LRPPRC: variants seen among roughly 807,000 people sequenced by gnomAD.
LRPPRC encodes leucine-rich PPR motif-containing protein, mitochondrial.
In LRPPRC, 120 loss-of-function variants were observed where a neutral mutation model predicts 180.3. That is an observed-to-expected ratio of 0.67 (90% CI 0.57 to 0.77). LRPPRC has a LOEUF of 0.77. Ranked by LOEUF, LRPPRC falls within the 30% of genes least tolerant of loss-of-function variation. The probability of loss-of-function intolerance (pLI) is 0.00; values close to 1 mark genes in which losing one functional copy is unlikely to be tolerated. For synonymous variants in LRPPRC, 723 were observed against 600.0 expected (o/e 1.21, Z -3.00); for missense variants, 2,012 against 1,657.2 (o/e 1.21, Z -3.72).
chr2:43,971,084 G>C (rs993837005), intron 11 of LRPPRC, among the ~76,000 whole-genome samples: 7 of 145,844 alleles, frequency 4.8e-5, no homozygotes, highest in African/African-American at 1.8e-4. Flanking sequence ...TAGACAACAA[G>C]AGCGAAACTG....
At chr2:43,970,368 CAAAG>C (rs1472580455) in intron 11 of LRPPRC, among the ~76,000 whole-genome samples, 1 of 152,060 alleles carries the variant, frequency 6.6e-6, no homozygotes. Context: ...AGAGAGCAGA[CAAAG>C]AAAGATATTC....
In LRPPRC at chr2:43,982,373, C is replaced by T; in HGVS notation, c.211G>A (p.Glu71Lys). ...ATCTTCCTAGAAGAAAAAGTGGACTCCTCTTGAATATCTTTTTCTTTGGCA... is the reference window on the plus strand; with the variant it reads ...ATCTTCCTAGAAGAAAAAGTGGACTTCTCTTGAATATCTTTTTCTTTGGCA... ...IAAKEKDIQE[E>K]STFSSRKISN... Residue 71 changes from glutamate to lysine, a missense_variant, in exon 2 of 38, where the codon GAG becomes AAG. Physicochemically the swap from Glu to Lys is moderately conservative, Grantham distance 56. Transcript: ENST00000260665. 1 of 1,613,892 alleles carries T rather than the reference C, an allele frequency of 6.2e-7. No homozygotes were observed. The highest frequency in any genetic ancestry group is 8.5e-7 in the Non-Finnish European group (1 of 1,179,814).
intron 31 of LRPPRC, chr2:43,903,879 G>A (rs1670973582): frequency 6.6e-6 from 1 of 152,158 alleles, no homozygotes; most frequent in African/African-American, 2.4e-5. Flanking sequence ...TGGCGAGCAA[G>A]TTTAACTTTT....
At chr2:43,932,090 C>CTACA (rs1672109207) in intron 25 of LRPPRC, among the ~76,000 whole-genome samples, 1 of 117,198 alleles carries the variant, frequency 8.5e-6, no homozygotes, top group Non-Finnish European at 1.6e-5. Context: ...CACCACTGTA[C>CTACA]TACAGCCTGG....
chr2:43,896,824 GA>G, intron 34 of LRPPRC, 116 bp from the exon 35 acceptor site: 1 of 724,870 alleles, frequency 1.4e-6, no homozygotes. Flanking sequence ...TTACCAATAG[GA>G]AGGCCTAATA....
At chr2:43,954,146 T>C (rs1673011514) in intron 14 of LRPPRC, among the ~76,000 whole-genome samples, 1 of 152,218 alleles carries the variant, frequency 6.6e-6, no homozygotes, top group South Asian at 2.1e-4. Context: ...CTATCCAAGA[T>C]CTTATCCTTA....
rs1370567576 is a variant in LRPPRC, at chr2:43,982,266, T to C, written c.318A>G (p.Gln106=). 3.2e-6 allele frequency: 5 copies of C among 1,573,832 alleles called. No homozygotes were observed. The South Asian group carries it at 3.5e-5, about 11-fold the overall frequency. The change falls in exon 2 of 38, where the codon CAA becomes CAG. Residue 106 remains glutamine, a synonymous_variant. Transcript: ENST00000260665. The part of the protein sequence containing the change: ...RTGRIPKKLL[Q]KVFNDTCRSG... ...AGCGGCAGGTATCATTAAAAACTTT[T>C]TGTAGAAGCTTCTTTGGAATGCGGC...
chr2:43,961,677 C>T (rs1175998834), intron 12 of LRPPRC, among the ~76,000 whole-genome samples: 2 of 152,152 alleles, frequency 1.3e-5, no homozygotes, highest in Non-Finnish European at 2.9e-5. Flanking sequence ...AAGGCATTAT[C>T]AGGTAGGGCG....
chr2:43,916,747 A>G (rs922400154), intron 29 of LRPPRC, among the ~76,000 whole-genome samples: 5 of 151,996 alleles, frequency 3.3e-5, no homozygotes, highest in African/African-American at 1.2e-4. Context: ...TGAGCTCAGG[A>G]GTTTAAGACC....
Position 43,943,904 on chromosome 2 carries a change from A to T in LRPPRC, c.2297-10T>A. 6.3e-7 allele frequency: 1 copy of T among 1,595,758 alleles called. No individual in the cohort carries two copies. The highest frequency in any genetic ancestry group is 8.6e-7 in the Non-Finnish European group (1 of 1,163,570). On this transcript the variant is annotated splice_polypyrimidine_tract_variant and intron_variant, in intron 22 of 37. Transcript: ENST00000260665. ...AGAATGTTAATAGCATCTACAATGA[A>T]GTAACACAAAAGACCCTTAGGTAAT...
chr2:43,927,295 A>G (rs1671913177), intron 25 of LRPPRC, among the ~76,000 whole-genome samples: 1 of 152,230 alleles, frequency 6.6e-6, no homozygotes, highest in Admixed American at 6.5e-5. Flanking sequence ...ATTTTAAAAA[A>G]TAACATTGTA....
At chr2:43,919,703 T>C (rs1347680904) in intron 27 of LRPPRC, among the ~76,000 whole-genome samples, 1 of 152,122 alleles carries the variant, frequency 6.6e-6, no homozygotes, top group Non-Finnish European at 1.5e-5. Context: ...TAAATTAGTT[T>C]CTGCTTGTGA....
chr2:43,909,048 G>C (rs184982399), intron 30 of LRPPRC, among the ~76,000 whole-genome samples: 17 of 152,326 alleles, frequency 1.1e-4, no homozygotes, highest in Non-Finnish European at 2.1e-4. Context: ...TGGGAAATGG[G>C]AAGAGAGGAC....
At chr2:43,930,773 T>G (rs1474672534) in intron 25 of LRPPRC, among the ~76,000 whole-genome samples, 1 of 152,194 alleles carries the variant, frequency 6.6e-6, no homozygotes, top group African/African-American at 2.4e-5. Flanking sequence ...TGGGACCTCC[T>G]TTATGGTTCC....
chr2:43,902,968 T>A (rs755481899), intron 31 of LRPPRC: 1 of 152,150 alleles, frequency 6.6e-6, no homozygotes, highest in Non-Finnish European at 1.5e-5. Flanking sequence ...AAGTACCAAT[T>A]TTACAGATGA....
At position 43,982,352 on chromosome 2, in the gene LRPPRC, T is replaced by C; in HGVS notation, c.232A>G (p.Lys78Glu). The change falls in exon 2 of 38, where the codon AAG becomes GAG. Residue 78 changes from lysine (K) to glutamate (E), a missense_variant. Coordinates refer to ENST00000260665, the MANE Select transcript of LRPPRC (RefSeq NM_133259.4). ...IQEESTFSSR[K>E]ISNQFDWALM... ...GCCCAATCAAACTGATTGGAAATCTTCCTAGAAGAAAAAGTGGACTCCTCT... is the reference window on the plus strand; with the variant it reads ...GCCCAATCAAACTGATTGGAAATCTCCCTAGAAGAAAAAGTGGACTCCTCT... The C allele has an allele frequency of 6.2e-7, 1 of 1,613,864 alleles. No homozygotes were observed. Among genetic ancestry groups the C allele is most frequent in the Non-Finnish European group, 8.5e-7 (1 of 1,179,784 alleles).
intron 2 of LRPPRC, among the ~76,000 whole-genome samples, chr2:43,981,429 G>C (rs1559054764): frequency 6.6e-6 from 1 of 152,180 alleles, no homozygotes; most frequent in Admixed American, 6.5e-5. Flanking sequence ...GGGAGGCCAA[G>C]GCGGGTGGAT....
intron 24 of LRPPRC, 92 bp downstream of exon 24, chr2:43,934,662 G>A: frequency 9.3e-7 from 1 of 1,072,088 alleles, no homozygotes; most frequent in Non-Finnish European, 1.4e-6. Context: ...TGAATGTGCT[G>A]GCCTTCTGCT....
At chr2:43,907,937 A>T (rs556427422) in intron 30 of LRPPRC, among the ~76,000 whole-genome samples, 6 of 152,324 alleles carry the variant, frequency 3.9e-5, no homozygotes, top group Non-Finnish European at 7.3e-5. Flanking sequence ...TTAAGTAAAT[A>T]TGGTATAATA....
Sources: allele counts gnomAD v4.1 joint callset (sites outside exome capture counted in the v4.1 genomes callset), GRCh38; gene constraint gnomAD v4.1.1; transcripts MANE v1.5; gene names NCBI Gene and HGNC (gene_info 2026-07-23, HGNC 2026-07-21).